Variants in SLIT1 observed in about 807,000 individuals in gnomAD.
The protein encoded by SLIT1 is slit homolog 1 protein.
A neutral mutation model predicts 186.1 loss-of-function variants in SLIT1; 66 were observed. That is an observed-to-expected ratio of 0.35 (90% confidence interval 0.29 to 0.44). SLIT1 has a LOEUF of 0.44. Among genes scored for constraint, SLIT1 ranks in the 20% least tolerant of loss-of-function variants. The probability of loss-of-function intolerance (pLI) is 1.00; values close to 1 mark genes in which losing one functional copy is unlikely to be tolerated. For synonymous variants in SLIT1, 761 were observed against 833.8 expected (o/e 0.91, Z 1.50); for missense variants, 1,638 against 2,037.4 (o/e 0.80, Z 3.77).
rs376438114 is a variant in SLIT1 at position 97,002,724 on chromosome 10, G to A, written c.4134C>T (p.Asp1378=). 124 of 1,586,162 alleles carry A rather than the reference G, an allele frequency of 7.8e-5. No homozygotes were observed. The highest frequency in any genetic ancestry group is 9.9e-5 in the Non-Finnish European group (115 of 1,161,968). The change falls in exon 35 of 37, where the codon GAC becomes GAT. Residue 1378 remains aspartate, a synonymous_variant. Coordinates refer to ENST00000266058, the MANE Select transcript of SLIT1 (RefSeq NM_003061.3). ...CTCACTTGTGGCCATGGCAGGGGCCGTCAGCGGGCTGGTCACAGTGCAGGC... is the reference window on the plus strand; with the variant it reads ...CTCACTTGTGGCCATGGCAGGGGCCATCAGCGGGCTGGTCACAGTGCAGGC... ...WVGLHCDQPA[D]GPCHGHKCVH...
chr10:97,052,908 T>C (rs992287263), intron 13 of SLIT1, among the ~76,000 whole-genome samples: 2 of 152,236 alleles, frequency 1.3e-5, no homozygotes, highest in Non-Finnish European at 2.9e-5. Context: ...TAACATCTAA[T>C]AGATGTGCAT....
chr10:97,040,146 G>C, intron 20 of SLIT1, 26 bp from the exon 21 acceptor site: 1 of 1,530,150 alleles, frequency 6.5e-7, no homozygotes, highest in South Asian at 1.3e-5. Context: ...CGAAGCCCCT[G>C]TCAGGGAGGT....
rs115477896 is a variant in SLIT1, at chr10:97,127,410, C to T, written c.413+30408G>A. On this transcript the variant is annotated intron_variant, in intron 4 of 36. Coordinates refer to ENST00000266058, the MANE Select transcript of SLIT1 (RefSeq NM_003061.3). Reference sequence around the variant, plus strand: ...AGAAAAGGGCTCTTCCAGCCCTATGCTGTCCGTTAAGTTAGGACAATGTCT... The same window carrying T: ...AGAAAAGGGCTCTTCCAGCCCTATGTTGTCCGTTAAGTTAGGACAATGTCT... 3.4e-3 allele frequency among the ~76,000 whole-genome samples: 518 copies of T among 152,368 alleles called. 7 individuals are homozygous for T. Among genetic ancestry groups the T allele is most frequent in the African/African-American group, 0.012 (500 of 41,584 alleles).
chr10:97,066,968 C>T (rs1848953020), intron 4 of SLIT1, among the ~76,000 whole-genome samples: 1 of 152,086 alleles, frequency 6.6e-6, no homozygotes. Context: ...GGTGGGTGCG[C>T]CTGGGGCTTA....
chr10:97,013,868 G>A (rs1349898282), intron 29 of SLIT1, 34 bp from the exon 30 acceptor site: 6 of 1,543,250 alleles, frequency 3.9e-6, no homozygotes, highest in South Asian at 2.4e-5. Context: ...CAGGAGAGAA[G>A]CTGCTCTCCT....
intron 4 of SLIT1, among the ~76,000 whole-genome samples, chr10:97,140,634 G>A (rs1235330711): frequency 6.6e-6 from 1 of 152,146 alleles, no homozygotes. Flanking sequence ...AGGAGCAGAG[G>A]GGTACAAACA....
At position 96,998,477 on chromosome 10, in the gene SLIT1, A is replaced by G. The variant is rs938708473; in HGVS notation, c.*2635T>C. 1 of 152,224 alleles carries G rather than the reference A, an allele frequency of 6.6e-6. No individual in the cohort carries two copies. The highest frequency in any genetic ancestry group is 1.5e-5 in the Non-Finnish European group (1 of 68,042). 9.4% of individuals were successfully genotyped at this position (152,224 alleles called of 1,614,324 possible). Reference sequence around the variant, plus strand: ...CGGACGCACCCTGCTGTATCTCTTCATGCCTAAAATGCAGAGCGAACTAGG... The same window carrying G: ...CGGACGCACCCTGCTGTATCTCTTCGTGCCTAAAATGCAGAGCGAACTAGG... On this transcript the variant is annotated 3_prime_UTR_variant, in exon 37 of 37. Transcript: ENST00000266058.
At chr10:97,085,789 T>A (rs1479698912) in intron 4 of SLIT1, among the ~76,000 whole-genome samples, 1 of 152,256 alleles carries the variant, frequency 6.6e-6, no homozygotes, top group Non-Finnish European at 1.5e-5. Flanking sequence ...GGGCCATGGA[T>A]GTTTACTTTA....
At chr10:97,036,568 C>T (rs868563042) in intron 22 of SLIT1, among the ~76,000 whole-genome samples, 1 of 152,218 alleles carries the variant, frequency 6.6e-6, no homozygotes, top group Non-Finnish European at 1.5e-5. Flanking sequence ...GTTTCCATAG[C>T]AAGACTTTCT....
At position 97,021,153 on chromosome 10, in the gene SLIT1, C is replaced by G. The variant is rs1292379744; in HGVS notation, c.2746+97G>C. The G allele has an allele frequency of 8.1e-7, 1 of 1,227,058 alleles. No homozygotes were observed. Among genetic ancestry groups the G allele is most frequent in the African/African-American group, 1.5e-5 (1 of 65,734 alleles). 76.0% of individuals were successfully genotyped at this position (1,227,058 alleles called of 1,614,324 possible). A position where few individuals can be genotyped will look rare whatever the true frequency, so the allele number is the denominator to read the frequency against. On this transcript the variant is annotated intron_variant, in intron 26 of 36. Coordinates refer to ENST00000266058, the MANE Select transcript of SLIT1 (RefSeq NM_003061.3). This position sits in a 1 kb window ranked among gnomAD's most constrained non-coding sequence, Gnocchi z 4.5. ...TCCTGTCCCCTGACCCCCCGCCCAG[C>G]GGTCACCACAGGGACGCAGGCATGT... is the stretch of plus-strand genomic sequence containing the variant.
At chr10:97,150,441 G>A (rs977307026) in intron 4 of SLIT1, among the ~76,000 whole-genome samples, 1 of 152,146 alleles carries the variant, frequency 6.6e-6, no homozygotes, top group Non-Finnish European at 1.5e-5. Flanking sequence ...AGGGTCGATA[G>A]GGTCAGGCAT....
intron 4 of SLIT1, among the ~76,000 whole-genome samples, chr10:97,137,783 G>A (rs115829921): frequency 1.3e-5 from 2 of 151,996 alleles, no homozygotes; most frequent in African/African-American, 4.8e-5. Flanking sequence ...ACGGGGTTTT[G>A]TCATGTTGCC....
rs146167783 is a variant in SLIT1, at chr10:97,178,527, T to C, written c.197+6951A>G. On this transcript the variant is annotated intron_variant, in intron 1 of 36. Coordinates refer to ENST00000266058, the MANE Select transcript of SLIT1 (RefSeq NM_003061.3). ...CATGACCATTAAATGCCATGTGCGA[T>C]CCTGGCAGGATTGTGGACCTGGGAA... Among the ~76,000 whole-genome samples the C allele has an allele frequency of 3.3e-3, 497 of 152,344 alleles. 3 individuals are homozygous for C. The highest frequency in any genetic ancestry group is 0.011 in the African/African-American group (473 of 41,580).
At chr10:97,076,838 C>T (rs1461039969) in intron 4 of SLIT1, among the ~76,000 whole-genome samples, 2 of 152,178 alleles carry the variant, frequency 1.3e-5, no homozygotes, top group Non-Finnish European at 2.9e-5. Context: ...CAGGTAGGGG[C>T]CAGGGCCAGG....
intron 4 of SLIT1, among the ~76,000 whole-genome samples, chr10:97,097,175 T>C (rs1849300867): frequency 6.6e-6 from 1 of 152,196 alleles, no homozygotes; most frequent in Non-Finnish European, 1.5e-5. Flanking sequence ...CGTCTAACAC[T>C]GCAACCACAT....
chr10:97,078,914 C>G (rs1200379607), intron 4 of SLIT1, among the ~76,000 whole-genome samples: 1 of 152,234 alleles, frequency 6.6e-6, no homozygotes, highest in African/African-American at 2.4e-5. Flanking sequence ...TCCCAGGCAC[C>G]TACAAGGAAC....
intron 4 of SLIT1, 129 bp from the exon 5 acceptor site, chr10:97,066,215 G>A: frequency 1.4e-6 from 1 of 717,938 alleles, no homozygotes; most frequent in South Asian, 1.6e-5. Flanking sequence ...CTGCACCCCA[G>A]CACCTAGGAC....
chr10:97,021,341 G>A lies in SLIT1; in HGVS notation c.2655C>T (p.Tyr885=). Residue 885 remains tyrosine (Y), a synonymous_variant, in exon 26 of 37, where the codon TAC becomes TAT. Coordinates refer to ENST00000266058, the MANE Select transcript of SLIT1 (RefSeq NM_003061.3). This position sits in a 1 kb window ranked among gnomAD's most constrained non-coding sequence, Gnocchi z 4.5. ...CACAACGAGCAATGCCCGGTTCCTT[G>A]TAGCCAGTCTTCACCCAGCTGGACA... ...RWLSSWVKTG[Y]KEPGIARCAG... is the part of the protein sequence containing the mutation. 6.2e-7 allele frequency: 1 copy of A among 1,614,086 alleles called. No homozygotes were observed. The highest frequency in any genetic ancestry group is 8.5e-7 in the Non-Finnish European group (1 of 1,180,004).
chr10:97,019,126 G>C lies in SLIT1; in HGVS notation c.2747-19C>G, dbSNP rs1848481108. On this transcript the variant is annotated intron_variant, in intron 26 of 36. Transcript: ENST00000266058. Reference sequence around the variant, plus strand: ...GGAGGACCTGCAGCAAGGGGAGGGTGCTAGTGCAGGGGGAGGGGTGGGCAG... The same window carrying C: ...GGAGGACCTGCAGCAAGGGGAGGGTCCTAGTGCAGGGGGAGGGGTGGGCAG... The C allele has an allele frequency of 6.6e-7, 1 of 1,514,504 alleles. No individual in the cohort carries two copies. The highest frequency in any genetic ancestry group is 1.4e-5 in the African/African-American group (1 of 72,944). The allele number at this position is 1,514,504 out of a possible 1,614,324, so 93.8% of individuals were successfully genotyped here.
Sources: gnomAD v4.1 joint callset for allele counts (sites outside exome capture counted in the v4.1 genomes callset) on GRCh38, gnomAD v4.1.1 for gene constraint, Gnocchi (gnomAD v3.1) non-coding constraint, MANE v1.5 for transcripts, NCBI Gene and HGNC (gene_info 2026-07-23, HGNC 2026-07-21) for gene names.